EXD3: variants seen among roughly 807,000 people sequenced by gnomAD.
The protein encoded by EXD3 is exonuclease 3'-5' domain containing 3.
A neutral mutation model predicts 98.0 loss-of-function variants in EXD3; 92 were observed. The ratio of observed to expected loss-of-function variants is 0.94; its 90% CI spans 0.79 to 1.12. The LOEUF (loss-of-function observed/expected upper bound fraction) is 1.12, where lower values mean the gene tolerates loss of function less well. Among genes scored for constraint, EXD3 ranks in the 50% most tolerant of loss-of-function variants. The pLI, the probability that EXD3 is intolerant of heterozygous loss-of-function variation, is 0.00. For synonymous variants in EXD3, 569 were observed against 526.0 expected, an observed-to-expected ratio of 1.08 and a Z score of -1.12; for missense variants, 1,222 against 1,191.6, an observed-to-expected ratio of 1.03 and a Z score of -0.38.
At chr9:137,337,423 C>T (rs934977206) in intron 17 of EXD3, among the ~76,000 whole-genome samples, 16 of 152,110 alleles carry the variant, frequency 1.1e-4, no homozygotes, top group South Asian at 2.1e-4. Flanking sequence ...GAGGCCAAGG[C>T]GGGCGGATCA....
chr9:137,335,406 C>T (rs909313984), intron 17 of EXD3, among the ~76,000 whole-genome samples: 2 of 151,948 alleles, frequency 1.3e-5, no homozygotes, highest in African/African-American at 4.8e-5. Context: ...AAAGACCAGG[C>T]GTGGTGGCTC....
chr9:137,353,568 C>T, intron 10 of EXD3: 1 of 986,002 alleles, frequency 1.0e-6, no homozygotes. Context: ...TGAGAAACCT[C>T]ATCCTCACCA....
chr9:137,369,217 G>T (rs561136572), intron 5 of EXD3, among the ~76,000 whole-genome samples: 1 of 151,966 alleles, frequency 6.6e-6, no homozygotes, highest in East Asian at 1.9e-4. Context: ...ATGGGGAGGG[G>T]CGCAGGGCCT....
intron 19 of EXD3, among the ~76,000 whole-genome samples, chr9:137,321,260 G>A (rs1189140772): frequency 2.6e-5 from 4 of 152,224 alleles, no homozygotes; most frequent in Non-Finnish European, 5.9e-5. Flanking sequence ...CCAGGTGGGT[G>A]CCCTTGAGGA....
chr9:137,400,253 C>T (rs1007424001), intron 1 of EXD3, among the ~76,000 whole-genome samples: 4 of 152,032 alleles, frequency 2.6e-5, no homozygotes, highest in Admixed American at 6.6e-5. Context: ...CACATCATTC[C>T]GTCCCGGCCC....
Position 137,405,301 on chromosome 9 carries a change from G to C in EXD3, c.-47-9897C>G, listed in dbSNP as rs1837661766. Reference sequence around the variant, plus strand: ...CGGTGGGCACCCAGGGCCAGAGCAGGGGCCAGAGCCCCAACCCCCGCTGCT... The same window carrying C: ...CGGTGGGCACCCAGGGCCAGAGCAGCGGCCAGAGCCCCAACCCCCGCTGCT... On this transcript the variant is annotated intron_variant, in intron 1 of 21. Coordinates refer to ENST00000340951, the MANE Select transcript of EXD3 (RefSeq NM_017820.5). The surrounding 1 kb of genome is among the most constrained non-coding windows in gnomAD (Gnocchi z 4.1). 6.6e-6 allele frequency among the ~76,000 whole-genome samples: 1 copy of C among 152,226 alleles called. No individual in the cohort carries two copies. Among genetic ancestry groups the C allele is most frequent in the Admixed American group, 6.5e-5 (1 of 15,290 alleles).
At chr9:137,373,981 G>A (rs566577875) in intron 3 of EXD3, among the ~76,000 whole-genome samples, 1 of 152,366 alleles carries the variant, frequency 6.6e-6, no homozygotes, top group Non-Finnish European at 1.5e-5. Flanking sequence ...GGCAAGAACC[G>A]AAACCCAAAC....
At chr9:137,320,191 C>T (rs549964180) in intron 19 of EXD3, among the ~76,000 whole-genome samples, 26 of 152,356 alleles carry the variant, frequency 1.7e-4, no homozygotes, top group South Asian at 4.1e-4. Context: ...CCGGGCAGTC[C>T]GTGGGGCCAA....
rs186792084 is a variant in EXD3 at position 137,379,001 on chromosome 9, G to A, written c.120+4312C>T. Among the ~76,000 whole-genome samples, 6 of 134,470 alleles carry A rather than the reference G, an allele frequency of 4.5e-5. No individual in the cohort carries two copies. In the East Asian group the frequency reaches 1.3e-3, roughly 30 times the overall value. 88.2% of individuals were successfully genotyped at this position (134,470 alleles called of 152,430 possible). The stretch of plus-strand genomic sequence containing the variant: ...AGGGGAATGGGGCATCTGTGTGAGG[G>A]GTACAAGGTTCGTGGGTGACGGTGA... On this transcript the variant is annotated intron_variant, in intron 3 of 21. Coordinates refer to ENST00000340951, the MANE Select transcript of EXD3 (RefSeq NM_017820.5).
At chr9:137,421,770 C>A (rs1224218125) in intron 1 of EXD3, among the ~76,000 whole-genome samples, 1 of 152,158 alleles carries the variant, frequency 6.6e-6, no homozygotes, top group Middle Eastern at 3.2e-3. Flanking sequence ...CCCAAGAGTT[C>A]AAGGCTGCGA....
chr9:137,344,860 C>T (rs2119196484), intron 17 of EXD3, among the ~76,000 whole-genome samples: 1 of 151,964 alleles, frequency 6.6e-6, no homozygotes, highest in South Asian at 2.1e-4. Context: ...CCAGGCTGCA[C>T]CTTCCACTGT....
Position 137,400,868 on chromosome 9 carries a change from C to A in EXD3, c.-47-5464G>T, listed in dbSNP as rs144182983. 5.4e-3 allele frequency among the ~76,000 whole-genome samples: 817 copies of A among 152,302 alleles called. 2 individuals are homozygous for A. Among genetic ancestry groups the A allele is most frequent in the Middle Eastern group, 0.01 (3 of 294 alleles). On this transcript the variant is annotated intron_variant, in intron 1 of 21. Transcript: ENST00000340951. ...GAAGGGCAGTCAAATTTTAAAGCTC[C>A]AAAATGATCTCCTTTGACTCCAGGT...
chr9:137,416,236 C>T (rs949427127), intron 1 of EXD3, among the ~76,000 whole-genome samples: 2 of 152,128 alleles, frequency 1.3e-5, no homozygotes, highest in Non-Finnish European at 2.9e-5. Flanking sequence ...GCTGGGTGGC[C>T]GCTCCACCAG....
intron 17 of EXD3, among the ~76,000 whole-genome samples, chr9:137,338,613 G>A (rs937508689): frequency 4.0e-5 from 6 of 151,714 alleles, no homozygotes; most frequent in Admixed American, 2.0e-4. Context: ...TTGGCCGGGC[G>A]CAGTGGCTCA....
chr9:137,395,229 C>G lies in EXD3; in HGVS notation c.55+74G>C. The G allele has an allele frequency of 7.4e-7, 1 of 1,358,140 alleles. No individual in the cohort carries two copies. Among genetic ancestry groups the G allele is most frequent in the Non-Finnish European group, 1.1e-6 (1 of 950,016 alleles). 84.1% of individuals were successfully genotyped at this position (1,358,140 alleles called of 1,614,324 possible). A position where few individuals can be genotyped will look rare whatever the true frequency, so the allele number is the denominator to read the frequency against. ...GTCACTGAGTACACAGTGGGCGCCA[C>G]CACCCCCCATGCACACCCACGCACC... On this transcript the variant is annotated intron_variant, in intron 2 of 21. Coordinates refer to ENST00000340951, the MANE Select transcript of EXD3 (RefSeq NM_017820.5). This position sits in a 1 kb window ranked among gnomAD's most constrained non-coding sequence, Gnocchi z 6.5.
chr9:137,392,829 A>T, intron 2 of EXD3: 1 of 370,158 alleles, frequency 2.7e-6, no homozygotes, highest in South Asian at 2.1e-5. Flanking sequence ...TGTCTGTTCC[A>T]GGGAGGGCCA....
intron 16 of EXD3, among the ~76,000 whole-genome samples, 188 bp downstream of exon 16, chr9:137,348,922 C>G (rs1834098630): frequency 6.6e-6 from 1 of 151,982 alleles, no homozygotes; most frequent in South Asian, 2.1e-4. Flanking sequence ...ACCCCCCAGG[C>G]AAGCGCAGCC....
intron 1 of EXD3, among the ~76,000 whole-genome samples, chr9:137,415,012 C>G (rs55724261): frequency 1.3e-5 from 2 of 150,362 alleles, no homozygotes; most frequent in African/African-American, 2.5e-5. Flanking sequence ...CTCAGCCTCC[C>G]GAGTAGCTGG....
At chr9:137,352,469 T>C (rs924523638) in intron 11 of EXD3, 151 bp downstream of exon 11, 3 of 942,298 alleles carry the variant, frequency 3.2e-6, no homozygotes, top group African/African-American at 1.7e-5. Flanking sequence ...CCTGCTGTCT[T>C]GTCTGCTCTG....
Sources: gnomAD v4.1 joint callset for allele counts (sites outside exome capture counted in the v4.1 genomes callset) on GRCh38, gnomAD v4.1.1 for gene constraint, Gnocchi (gnomAD v3.1) non-coding constraint, MANE v1.5 for transcripts, NCBI Gene and HGNC (gene_info 2026-07-23, HGNC 2026-07-21) for gene names.